Variants in PACRG observed in about 807,000 individuals in gnomAD.
The protein encoded by PACRG is parkin coregulated.
PACRG carries 29 observed loss-of-function variants against 29.7 expected under a neutral mutation model. The observed-to-expected ratio is 0.98, with a 90% CI of 0.73 to 1.33. The LOEUF is 1.33. Among genes scored for constraint, PACRG ranks in the 40% most tolerant of loss-of-function variants. PACRG has a pLI of 0.00. For synonymous variants in PACRG, 116 were observed against 118.7 expected (o/e 0.98, Z 0.15); for missense variants, 279 against 316.2 (o/e 0.88, Z 0.89).
chr6:162,955,080 T>A (rs1385442324), intron 2 of PACRG, among the ~76,000 whole-genome samples: 1 of 152,128 alleles, frequency 6.6e-6, no homozygotes, highest in Non-Finnish European at 1.5e-5. Context: ...GGTTTGAAAT[T>A]AAATTATTTT....
intron 3 of PACRG, among the ~76,000 whole-genome samples, chr6:163,084,811 T>A (rs1813394971): frequency 8.6e-6 from 1 of 116,198 alleles, no homozygotes; most frequent in Non-Finnish European, 1.8e-5. Context: ...AAAAATTTAA[T>A]GTTAGTGTTA....
At chr6:162,834,322 A>G (rs1443474893) in intron 2 of PACRG, among the ~76,000 whole-genome samples, 1 of 152,124 alleles carries the variant, frequency 6.6e-6, no homozygotes, top group African/African-American at 2.4e-5. Context: ...ATATCAGGGT[A>G]AAAAGGTGTT....
At chr6:162,814,119 G>C (rs753496063) in intron 1 of PACRG, 28 bp from the exon 2 acceptor site, 1 of 1,590,688 alleles carries the variant, frequency 6.3e-7, no homozygotes, top group South Asian at 1.1e-5. Flanking sequence ...CTTAAAACCT[G>C]ATCCCTATTT....
chr6:162,918,252 C>T (rs758672524), intron 2 of PACRG, among the ~76,000 whole-genome samples: 10 of 152,094 alleles, frequency 6.6e-5, no homozygotes, highest in Non-Finnish European at 7.4e-5. Flanking sequence ...TGACCATTAG[C>T]TAATACTAAA....
At chr6:162,873,918 T>C (rs1218591802) in intron 2 of PACRG, among the ~76,000 whole-genome samples, 8 of 152,182 alleles carry the variant, frequency 5.3e-5, no homozygotes, top group African/African-American at 1.9e-4. Flanking sequence ...TTAGATTCCT[T>C]GTAACTCAAG....
At chr6:162,878,352 A>T (rs536746704) in intron 2 of PACRG, among the ~76,000 whole-genome samples, 5 of 152,220 alleles carry the variant, frequency 3.3e-5, no homozygotes, top group African/African-American at 1.2e-4. Flanking sequence ...TTCACTAAGT[A>T]AAAAAACACA....
Position 163,193,244 on chromosome 6 carries a change from T to C in PACRG, c.613+103836T>C, listed in dbSNP as rs574962341. Among the ~76,000 whole-genome samples, 112 of 152,352 alleles carry C rather than the reference T, an allele frequency of 7.4e-4. 1 individual carries two copies. In the South Asian group the frequency reaches 0.018, roughly 25 times the overall value. ...TTATAAATATCCAACTATAGAAATA[T>C]GCCTTGTGTGCTAATCATTTCCATA... is the stretch of plus-strand genomic sequence containing the variant. On this transcript the variant is annotated intron_variant, in intron 4 of 4. Transcript: ENST00000366888.
intron 1 of PACRG, among the ~76,000 whole-genome samples, chr6:162,749,031 C>A (rs1197035128): frequency 6.6e-6 from 1 of 152,144 alleles, no homozygotes; most frequent in African/African-American, 2.4e-5. Context: ...TCAAATTATA[C>A]AGGATGTATT....
At chr6:163,268,295 G>T (rs13202129) in intron 4 of PACRG, among the ~76,000 whole-genome samples, 57 of 151,698 alleles carry the variant, frequency 3.8e-4, no homozygotes, top group African/African-American at 1.3e-3. Context: ...CCAGCTACTC[G>T]GGAGGCTGAG....
chr6:163,186,455 TG>T (rs1315537433), intron 4 of PACRG, among the ~76,000 whole-genome samples: 1 of 151,994 alleles, frequency 6.6e-6, no homozygotes, highest in Non-Finnish European at 1.5e-5. Flanking sequence ...ACAGACTACT[TG>T]TCATTCTAAA....
chr6:163,210,913 T>G (rs902053630), intron 4 of PACRG, among the ~76,000 whole-genome samples: 2 of 152,218 alleles, frequency 1.3e-5, no homozygotes, highest in Non-Finnish European at 1.5e-5. Context: ...CTGGTTGGTT[T>G]TATGCCCTAT....
chr6:163,228,379 CAAAAAAAAAAAAAA>C (rs11362557), intron 4 of PACRG, among the ~76,000 whole-genome samples: 5 of 68,168 alleles, frequency 7.3e-5, no homozygotes, highest in East Asian at 4.4e-4. Context: ...TTTAAGCAGG[CAAAAAAAAAAAAAA>C]AAAAAAAAAA....
At chr6:163,087,662 G>A (rs577175120) in intron 3 of PACRG, among the ~76,000 whole-genome samples, 5 of 150,998 alleles carry the variant, frequency 3.3e-5, no homozygotes, top group African/African-American at 9.7e-5. Flanking sequence ...CAGAGGAGAG[G>A]AGGTGAGGAT....
At chr6:162,780,000 G>A (rs1422647461) in intron 1 of PACRG, among the ~76,000 whole-genome samples, 1 of 152,198 alleles carries the variant, frequency 6.6e-6, no homozygotes, top group African/African-American at 2.4e-5. Context: ...TAGAATTCAA[G>A]GAAGTTAAGT....
intron 4 of PACRG, among the ~76,000 whole-genome samples, chr6:163,222,487 G>A (rs1299695917): frequency 1.3e-5 from 2 of 152,222 alleles, no homozygotes; most frequent in Non-Finnish European, 2.9e-5. Flanking sequence ...GCCTGAGGCA[G>A]GAGAATCGCT....
At chr6:163,244,249 A>C (rs1782611370) in intron 4 of PACRG, among the ~76,000 whole-genome samples, 1 of 152,250 alleles carries the variant, frequency 6.6e-6, no homozygotes, top group Admixed American at 6.5e-5. Flanking sequence ...AGCTTTCTTA[A>C]GTCTCTTTCT....
rs551617984 is a variant in PACRG at position 162,944,593 on chromosome 6, T to G, written c.292-117557T>G. Among the ~76,000 whole-genome samples, 34 of 152,244 alleles carry G rather than the reference T, an allele frequency of 2.2e-4. No homozygotes were observed. In the South Asian group the frequency reaches 7.0e-3, roughly 32 times the overall value. ...TATAAATCAGAAAAGCAATTCAGGA[T>G]ATGAATAAGATGTTTACCAAAGAGA... On this transcript the variant is annotated intron_variant, in intron 2 of 4. Coordinates refer to ENST00000366888, the MANE Select transcript of PACRG (RefSeq NM_001080379.2).
chr6:162,827,089 T>C (rs1788348031), intron 2 of PACRG, among the ~76,000 whole-genome samples: 2 of 152,180 alleles, frequency 1.3e-5, no homozygotes, highest in Admixed American at 6.5e-5. Flanking sequence ...ATTAAGTAAT[T>C]TATATATGCA....
At position 162,808,576 on chromosome 6, in the gene PACRG, C is replaced by T. The variant is rs530070642; in HGVS notation, c.157-5571C>T. Reference sequence around the variant, plus strand: ...ATATGATGGACACTGTGATCTAAGTCCTAAATCCATTATGCCACATTCCGT... The same window carrying T: ...ATATGATGGACACTGTGATCTAAGTTCTAAATCCATTATGCCACATTCCGT... On this transcript the variant is annotated intron_variant, in intron 1 of 4. Coordinates refer to ENST00000366888, the MANE Select transcript of PACRG (RefSeq NM_001080379.2). 5.9e-5 allele frequency among the ~76,000 whole-genome samples: 9 copies of T among 152,238 alleles called. No homozygotes were observed. In the South Asian group the frequency reaches 6.2e-4, roughly 11 times the overall value.
Sources: allele counts gnomAD v4.1 joint callset (sites outside exome capture counted in the v4.1 genomes callset), GRCh38; gene constraint gnomAD v4.1.1; transcripts MANE v1.5; gene names NCBI Gene and HGNC (gene_info 2026-07-23, HGNC 2026-07-21).